SYDE2: variants seen among roughly 807,000 people sequenced by gnomAD.
The protein encoded by SYDE2 is rho GTPase-activating protein SYDE2.
Under a neutral mutation model 91.5 loss-of-function variants are expected in SYDE2, and 76 were observed. That is an observed-to-expected ratio of 0.83 (90% CI 0.69 to 1.01). The LOEUF is 1.01. SYDE2 is among the 50% of genes least tolerant of loss of function. The probability of loss-of-function intolerance (pLI) is 0.00; values close to 1 mark genes in which losing one functional copy is unlikely to be tolerated. For synonymous variants in SYDE2, 513 were observed against 506.4 expected, an observed-to-expected ratio of 1.01 and a Z score of -0.18; for missense variants, 1,364 against 1,367.7, an observed-to-expected ratio of 1.00 and a Z score of 0.04.
chr1:85,171,804 C>T (rs817431), intron 4 of SYDE2, among the ~76,000 whole-genome samples: 1 of 151,894 alleles, frequency 6.6e-6, no homozygotes, highest in Admixed American at 6.6e-5. Context: ...GGACACTGAA[C>T]TCAAGTTGCA....
intron 6 of SYDE2, chr1:85,160,217 A>C: frequency 1.0e-6 from 1 of 975,704 alleles, no homozygotes; most frequent in Non-Finnish European, 1.2e-6. Context: ...CACCAACTTT[A>C]TACTCTCCAA....
intron 2 of SYDE2, among the ~76,000 whole-genome samples, chr1:85,187,782 C>T (rs909237255): frequency 1.1e-4 from 16 of 149,972 alleles, no homozygotes; most frequent in African/African-American, 3.2e-4. Flanking sequence ...AACCAAACAC[C>T]GCATGTTCTC....
chr1:85,186,248 T>A (rs1042044106), intron 2 of SYDE2, among the ~76,000 whole-genome samples: 3 of 152,230 alleles, frequency 2.0e-5, no homozygotes, highest in Non-Finnish European at 4.4e-5. Flanking sequence ...GATATTGGTC[T>A]AAAATTCTCT....
At chr1:85,168,798 TA>T (rs1415554696) in intron 5 of SYDE2, among the ~76,000 whole-genome samples, 1 of 152,290 alleles carries the variant, frequency 6.6e-6, no homozygotes, top group South Asian at 2.1e-4. Context: ...ACAATACAAT[TA>T]AAAAAACTTC....
chr1:85,198,590 C>T (rs377402071), intron 1 of SYDE2, among the ~76,000 whole-genome samples: 1 of 152,160 alleles, frequency 6.6e-6, no homozygotes, highest in South Asian at 2.1e-4. Context: ...TCTAAGTTAG[C>T]AGTTTCATTT....
At chr1:85,159,885 A>G (rs568729583) in intron 6 of SYDE2, 1 of 983,964 alleles carries the variant, frequency 1.0e-6, no homozygotes, top group South Asian at 4.7e-5. Flanking sequence ...TAGTACAGAT[A>G]TTTTATTTTC....
intron 4 of SYDE2, among the ~76,000 whole-genome samples, chr1:85,170,702 T>C (rs527715453): frequency 8.8e-4 from 134 of 152,352 alleles, no homozygotes; most frequent in Non-Finnish European, 1.5e-3. Flanking sequence ...TTTCTTGCTT[T>C]TTCATTTAAC....
chr1:85,171,824 G>A (rs1464105521), intron 4 of SYDE2, among the ~76,000 whole-genome samples: 1 of 152,114 alleles, frequency 6.6e-6, no homozygotes, highest in African/African-American at 2.4e-5. Flanking sequence ...AGTTGGTTAG[G>A]AAGTAAATGG....
chr1:85,177,496 T>G (rs1657745411), intron 4 of SYDE2, among the ~76,000 whole-genome samples: 1 of 152,174 alleles, frequency 6.6e-6, no homozygotes. Context: ...TCTCTTTTTC[T>G]GCTAATGGTA....
chr1:85,190,224 G>A lies in SYDE2; in HGVS notation c.1274C>T (p.Ser425Phe). ...AERHTEDSLC[S>F]SEHAGDIQTT... ...CTGAATATCACCTGCATGTTCGGAAGAGCACAGTGAGTCTTCAGTATGCCG... is the reference window on the plus strand; with the variant it reads ...CTGAATATCACCTGCATGTTCGGAAAAGCACAGTGAGTCTTCAGTATGCCG... The change falls in exon 2 of 7, where the codon TCT becomes TTT. Residue 425 changes from serine to phenylalanine, a missense_variant. By Grantham distance (155) the Ser-to-Phe change is radical (BLOSUM62 -2). Transcript: ENST00000341460. 1 of 1,613,964 alleles carries A rather than the reference G, an allele frequency of 6.2e-7. No homozygotes were observed. The highest frequency in any genetic ancestry group is 8.5e-7 in the Non-Finnish European group (1 of 1,179,898).
At chr1:85,168,307 G>A (rs1227393397) in intron 5 of SYDE2, among the ~76,000 whole-genome samples, 1 of 151,968 alleles carries the variant, frequency 6.6e-6, no homozygotes, top group Admixed American at 6.6e-5. Context: ...CAGTAAACTC[G>A]CAAGTCAAGT....
intron 2 of SYDE2, 34 bp downstream of exon 2, chr1:85,190,023 G>GA (rs773513870): frequency 2.7e-6 from 4 of 1,463,706 alleles, no homozygotes; most frequent in East Asian, 2.3e-5. Flanking sequence ...AAAAATGGAA[G>GA]AAGAAAGAAA....
intron 4 of SYDE2, 113 bp from the exon 5 acceptor site, chr1:85,169,338 C>CAA (rs557699020): frequency 2.5e-5 from 17 of 687,464 alleles, no homozygotes; most frequent in Non-Finnish European, 3.8e-5. Context: ...ATTTTGAAAA[C>CAA]AATAAAGGCA....
chr1:85,184,347 A>G (rs1206100834), intron 2 of SYDE2, among the ~76,000 whole-genome samples: 2 of 152,324 alleles, frequency 1.3e-5, no homozygotes, highest in Non-Finnish European at 2.9e-5. Flanking sequence ...AAGTAATGAT[A>G]CTGGTAATTG....
chr1:85,178,174 GT>G lies in SYDE2; in HGVS notation c.2642del (p.Asn881ThrfsTer6). ...TTATTACATTTATATCTGGGTACTG[GT>G]TTTCACACAGACCAACAGCTTTGCT... ...RDSKAVGLCE[N>X]QYPDINVITG... On this transcript the variant is annotated frameshift_variant, in exon 4 of 7. Transcript: ENST00000341460. LOFTEE classifies it high-confidence loss of function. 6.3e-7 allele frequency: 1 copy of G among 1,581,846 alleles called. No individual in the cohort carries two copies. Among genetic ancestry groups the G allele is most frequent in the Non-Finnish European group, 8.6e-7 (1 of 1,162,592 alleles).
chr1:85,186,191 G>T (rs1204591999), intron 2 of SYDE2, among the ~76,000 whole-genome samples: 1 of 151,886 alleles, frequency 6.6e-6, no homozygotes, highest in Non-Finnish European at 1.5e-5. Flanking sequence ...TGCTGGATTC[G>T]GTTTGCCAGT....
downstream of SYDE2, among the ~76,000 whole-genome samples, chr1:85,155,372 C>T (rs1219137587): frequency 6.6e-6 from 1 of 152,078 alleles, no homozygotes; most frequent in Non-Finnish European, 1.5e-5. Flanking sequence ...GAAGCAGTGG[C>T]TCATACTGTA....
intron 5 of SYDE2, among the ~76,000 whole-genome samples, chr1:85,168,540 G>A (rs1291644537): frequency 6.6e-6 from 1 of 152,142 alleles, no homozygotes; most frequent in Non-Finnish European, 1.5e-5. Context: ...ATGCTGGTCT[G>A]AAGATTTTGG....
Position 85,190,433 on chromosome 1 carries a change from A to C in SYDE2, c.1065T>G (p.Ala355=). ...ATNSSLSKNC[A]LDFNEENDAD... is the part of the protein sequence containing the mutation. ...CATCATTTTCCTCATTAAAATCTAA[A>C]GCACAGTTTTTCGATAATGAAGAGT... The change falls in exon 2 of 7, where the codon GCT becomes GCG. Residue 355 remains alanine, a synonymous_variant. Transcript: ENST00000341460. The C allele has an allele frequency of 6.2e-7, 1 of 1,613,922 alleles. No individual in the cohort carries two copies.
Sources: gnomAD v4.1 joint callset for allele counts (sites outside exome capture counted in the v4.1 genomes callset) on GRCh38, gnomAD v4.1.1 for gene constraint, MANE v1.5 for transcripts, NCBI Gene and HGNC (gene_info 2026-07-23, HGNC 2026-07-21) for gene names.